Variants in PRKDC observed in about 807,000 individuals in gnomAD.
The protein encoded by PRKDC is DNA-dependent protein kinase catalytic subunit.
In PRKDC, 82 loss-of-function variants were observed where a neutral mutation model predicts 486.9. The ratio of observed to expected loss-of-function variants is 0.17; its 90% confidence interval spans 0.14 to 0.20. The LOEUF is 0.20. PRKDC is among the 10% of genes least tolerant of loss of function. The pLI is 1.00. For missense variants in PRKDC, 4,504 were observed against 5,038.2 expected (o/e 0.89, Z 3.21); for synonymous variants, 1,895 against 1,837.0 (o/e 1.03, Z -0.81).
At chr8:47,781,332 G>C (rs1389659558) in intron 80 of PRKDC, among the ~76,000 whole-genome samples, 1 of 152,214 alleles carries the variant, frequency 6.6e-6, no homozygotes, top group African/African-American at 2.4e-5. Flanking sequence ...CTGCCCTGTA[G>C]AGTAATTATC....
At chr8:47,789,426 C>T (rs143116990) in intron 74 of PRKDC, among the ~76,000 whole-genome samples, 188 bp from the exon 75 acceptor site, 1,603 of 150,958 alleles carry the variant, frequency 0.011, 8 homozygotes, top group Non-Finnish European at 0.016. Flanking sequence ...AAAATTCCAC[C>T]CAATGTTAAA....
At chr8:47,811,119 C>G (rs1408236999) in intron 68 of PRKDC, among the ~76,000 whole-genome samples, 1 of 152,026 alleles carries the variant, frequency 6.6e-6, no homozygotes, top group Non-Finnish European at 1.5e-5. Flanking sequence ...AGAACCAGGC[C>G]TAGACACATC....
chr8:47,816,736 TC>T (rs1353363219), intron 68 of PRKDC, among the ~76,000 whole-genome samples: 1 of 151,648 alleles, frequency 6.6e-6, no homozygotes, highest in Non-Finnish European at 1.5e-5. Context: ...ATTTAAAAAA[TC>T]AGTGAATCTG....
At position 47,885,962 on chromosome 8, in the gene PRKDC, T is replaced by G; in HGVS notation, c.4758A>C (p.Ser1586=). The part of the protein sequence containing the change: ...DLAVLELMQS[S]VDNTKMVSAV... ...TTGTTACCATTTTGGTATTATCCACTGAAGACTGCATGAGCTCCAATACAG... is the reference window on the plus strand; with the variant it reads ...TTGTTACCATTTTGGTATTATCCACGGAAGACTGCATGAGCTCCAATACAG... The change falls in exon 36 of 86, where the codon TCA becomes TCC. Residue 1586 remains serine (S), a synonymous_variant. Transcript: ENST00000314191. 1 of 1,613,682 alleles carries G rather than the reference T, an allele frequency of 6.2e-7. No homozygotes were observed. Among genetic ancestry groups the G allele is most frequent in the Non-Finnish European group, 8.5e-7 (1 of 1,179,666 alleles).
At chr8:47,907,977 C>T (rs908784884) in intron 25 of PRKDC, among the ~76,000 whole-genome samples, 2 of 152,106 alleles carry the variant, frequency 1.3e-5, no homozygotes, top group African/African-American at 4.8e-5. Context: ...CTACCAGAAC[C>T]CTACAGCTAG....
rs1437814043 is a variant in PRKDC, at chr8:47,820,864, A to G, written c.9191T>C (p.Phe3064Ser). 6.2e-7 allele frequency: 1 copy of G among 1,611,728 alleles called. No homozygotes were observed. The highest frequency in any genetic ancestry group is 8.5e-7 in the Non-Finnish European group (1 of 1,178,442). ...CTCCCCGTGCATAGCTTTGTCAATA[A>G]ATGTCAGCAGGGACTGGTCAGCCTC... Reference protein sequence around the residue: ...QGEADQSLLTFIDKAMHGELQ... With the variant: ...QGEADQSLLTSIDKAMHGELQ... The change falls in exon 66 of 86, where the codon TTT (phenylalanine) becomes TCT (serine). Residue 3064 changes from phenylalanine to serine, a missense_variant. Around this residue, in one of 6 missense-constraint regions of PRKDC, gnomAD observed 1,592 missense variants for 1,724.6 expected, o/e 0.92. Transcript: ENST00000314191.
intron 64 of PRKDC, among the ~76,000 whole-genome samples, chr8:47,822,072 CAGGAGTTTGAGA>C (rs1397312354): frequency 6.6e-6 from 1 of 152,140 alleles, no homozygotes; most frequent in African/African-American, 2.4e-5. Context: ...CACCTGAGCC[CAGGAGTTTGAGA>C]CTAGCCTAGG....
chr8:47,847,603 T>C (rs2088297301), intron 54 of PRKDC, among the ~76,000 whole-genome samples: 1 of 152,020 alleles, frequency 6.6e-6, no homozygotes, highest in South Asian at 2.1e-4. Context: ...TATGACTAAG[T>C]TCTAAAAAGA....
chr8:47,811,569 C>T (rs114014742), intron 68 of PRKDC, among the ~76,000 whole-genome samples: 7 of 152,222 alleles, frequency 4.6e-5, no homozygotes, highest in African/African-American at 1.7e-4. Flanking sequence ...ATATGTATGA[C>T]TGTTGAAAGT....
chr8:47,872,543 C>T (rs1209850202), intron 40 of PRKDC, among the ~76,000 whole-genome samples: 1 of 137,380 alleles, frequency 7.3e-6, no homozygotes, highest in African/African-American at 2.7e-5. Flanking sequence ...CTGCAAGAAA[C>T]ACACTTCACC....
intron 25 of PRKDC, among the ~76,000 whole-genome samples, chr8:47,908,519 T>A: frequency 6.6e-6 from 1 of 152,166 alleles, no homozygotes; most frequent in Non-Finnish European, 1.5e-5. Flanking sequence ...GGATGCTGAT[T>A]ATAGAAAAGT....
At chr8:47,909,387 C>T (rs1237362) in intron 25 of PRKDC, among the ~76,000 whole-genome samples, 3,754 of 152,284 alleles carry the variant, frequency 0.025, 47 homozygotes, top group Non-Finnish European at 0.037. Context: ...CTTATAATTT[C>T]TTATGCCTGT....
chr8:47,939,817 G>T, intron 10 of PRKDC, 120 bp from the exon 11 acceptor site: 1 of 888,754 alleles, frequency 1.1e-6, no homozygotes, highest in Non-Finnish European at 1.6e-6. Context: ...ACACGCAATT[G>T]CTTTTAATCA....
intron 70 of PRKDC, among the ~76,000 whole-genome samples, chr8:47,801,432 C>T (rs1411034537): frequency 6.6e-6 from 1 of 152,150 alleles, no homozygotes; most frequent in Admixed American, 6.5e-5. Context: ...AAGAAACTGA[C>T]TTCAAATACT....
chr8:47,918,163 C>G (rs945414466), intron 22 of PRKDC, 114 bp downstream of exon 22: 6 of 677,034 alleles, frequency 8.9e-6, no homozygotes, highest in Non-Finnish European at 1.4e-5. Flanking sequence ...ATATTGTACT[C>G]TACTTTGTAT....
At chr8:47,885,396 G>C (rs1309668190) in intron 36 of PRKDC, among the ~76,000 whole-genome samples, 1 of 151,336 alleles carries the variant, frequency 6.6e-6, no homozygotes, top group Non-Finnish European at 1.5e-5. Flanking sequence ...CTGATGATCC[G>C]CTCACCTCCA....
chr8:47,783,947 G>T, intron 77 of PRKDC, 138 bp from the exon 78 acceptor site: 1 of 827,636 alleles, frequency 1.2e-6, no homozygotes. Context: ...CACTTAAAGG[G>T]AACTGACTTT....
chr8:47,843,192 G>GA (rs1462864880), intron 54 of PRKDC, among the ~76,000 whole-genome samples: 1 of 152,082 alleles, frequency 6.6e-6, no homozygotes, highest in Non-Finnish European at 1.5e-5. Context: ...GAAAAGAAAA[G>GA]AAAAGGAACC....
intron 54 of PRKDC, among the ~76,000 whole-genome samples, chr8:47,840,879 T>C (rs766452187): frequency 5.3e-5 from 8 of 152,174 alleles, no homozygotes; most frequent in African/African-American, 9.7e-5. Flanking sequence ...GGGGACAAGA[T>C]GGCTGAATAG....
Sources: allele counts gnomAD v4.1 joint callset (sites outside exome capture counted in the v4.1 genomes callset), GRCh38; gene constraint gnomAD v4.1.1; regional missense constraint gnomAD v4.1.1; transcripts MANE v1.5; gene names NCBI Gene and HGNC (gene_info 2026-07-23, HGNC 2026-07-21).